MYLK: variants seen among roughly 807,000 people sequenced by gnomAD.
MYLK encodes the protein myosin light chain kinase, smooth muscle.
Under a neutral mutation model 203.4 loss-of-function variants are expected in MYLK, and 106 were observed. That is an observed-to-expected ratio of 0.52 (90% CI 0.45 to 0.61). The LOEUF is 0.61. Ranked by LOEUF, MYLK falls within the 20% of genes least tolerant of loss-of-function variation. MYLK has a pLI of 0.00. For missense variants in MYLK, 2,072 were observed against 2,442.3 expected (o/e 0.85, Z 3.20); for synonymous variants, 867 against 959.5 (o/e 0.90, Z 1.78).
At chr3:123,741,019 T>C (rs147817966) in intron 5 of MYLK, among the ~76,000 whole-genome samples, 141 of 152,326 alleles carry the variant, frequency 9.3e-4, no homozygotes, top group African/African-American at 3.3e-3. Context: ...GAGGTCTTTT[T>C]TGAGATGATG....
At chr3:123,677,906 T>TAG in intron 20 of MYLK, among the ~76,000 whole-genome samples, 1 of 95,136 alleles carries the variant, frequency 1.1e-5, no homozygotes, top group East Asian at 5.4e-4. Flanking sequence ...TATATATATA[T>TAG]ATATATATAT....
At chr3:123,793,910 C>T in intron 3 of MYLK, 66 bp from the exon 4 acceptor site, 6 of 1,586,684 alleles carry the variant, frequency 3.8e-6, no homozygotes, top group Non-Finnish European at 5.2e-6. Context: ...TCCCTTCAGG[C>T]ATCAGGTGTG....
At chr3:123,692,883 T>G (rs763360646) in intron 18 of MYLK, 32 bp from the exon 19 acceptor site, 9 of 1,583,606 alleles carry the variant, frequency 5.7e-6, no homozygotes, top group South Asian at 5.5e-5. Flanking sequence ...GTGAACCAGG[T>G]GTGGTCGTAG....
chr3:123,723,277 A>G (rs899076732), intron 12 of MYLK, among the ~76,000 whole-genome samples: 1 of 152,194 alleles, frequency 6.6e-6, no homozygotes, highest in African/African-American at 2.4e-5. Flanking sequence ...GCACATAGCA[A>G]CACTTCATGT....
chr3:123,631,051 C>A (rs1398130663), intron 29 of MYLK, among the ~76,000 whole-genome samples: 3 of 152,158 alleles, frequency 2.0e-5, no homozygotes, highest in Non-Finnish European at 4.4e-5. Flanking sequence ...CCCCACCTTT[C>A]ATGTTGCAAA....
chr3:123,639,566 T>C (rs1441412043), intron 28 of MYLK, among the ~76,000 whole-genome samples: 3 of 152,196 alleles, frequency 2.0e-5, no homozygotes, highest in Admixed American at 6.5e-5. Flanking sequence ...GCAGGCTGGA[T>C]GCAGGCAGAA....
chr3:123,836,720 G>A (rs1482286317), intron 2 of MYLK, among the ~76,000 whole-genome samples: 3 of 152,114 alleles, frequency 2.0e-5, no homozygotes, highest in Non-Finnish European at 4.4e-5. Context: ...AGGTAATATG[G>A]AAACTCTCAG....
At chr3:123,672,767 T>C (rs1330674029) in intron 20 of MYLK, among the ~76,000 whole-genome samples, 1 of 152,260 alleles carries the variant, frequency 6.6e-6, no homozygotes, top group African/African-American at 2.4e-5. Context: ...TTCCTATCAG[T>C]AAAAACAATT....
chr3:123,717,603 G>GA (rs11388989), intron 13 of MYLK, among the ~76,000 whole-genome samples: 149,435 of 152,108 alleles, frequency 0.98, 73,454 homozygotes, highest in Middle Eastern at 1. Flanking sequence ...ACTCCAGGGG[G>GA]AAAAAATTTT....
chr3:123,724,691 T>C (rs1471788088), intron 12 of MYLK, among the ~76,000 whole-genome samples: 2 of 152,142 alleles, frequency 1.3e-5, no homozygotes, highest in Non-Finnish European at 2.9e-5. Context: ...AAATGGGGAC[T>C]ATTTGGTGCA....
rs369756740 is a variant in MYLK at position 123,640,533 on chromosome 3, G to C, written c.4620-29C>G. The C allele has an allele frequency of 4.3e-6, 7 of 1,612,188 alleles. No homozygotes were observed. In the African/African-American group the frequency reaches 8.0e-5, roughly 18 times the overall value. Reference sequence around the variant, plus strand: ...CGGGAACACGTGCACGGGGTGGTCAGGCCACAGGCTCATGGAGGCCAGGCT... The same window carrying C: ...CGGGAACACGTGCACGGGGTGGTCACGCCACAGGCTCATGGAGGCCAGGCT... On this transcript the variant is annotated intron_variant, in intron 27 of 33. Transcript: ENST00000360304. The surrounding 1 kb of genome is among the most constrained non-coding windows in gnomAD (Gnocchi z 4.3).
In MYLK at chr3:123,629,442, G is replaced by C; in HGVS notation, c.5114+32C>G. On this transcript the variant is annotated intron_variant, in intron 30 of 33. Transcript: ENST00000360304. The surrounding 1 kb of genome is among the most constrained non-coding windows in gnomAD (Gnocchi z 4.4). ...GCTTCCCAACACAGGGCAGGGAGTA[G>C]GGAAGCAAAGACTGAAATCCCAACT... 6.2e-7 allele frequency: 1 copy of C among 1,613,684 alleles called. No homozygotes were observed. Among genetic ancestry groups the C allele is most frequent in the Non-Finnish European group, 8.5e-7 (1 of 1,179,752 alleles).
At chr3:123,822,444 T>C (rs1027451933) in intron 3 of MYLK, among the ~76,000 whole-genome samples, 3 of 152,166 alleles carry the variant, frequency 2.0e-5, no homozygotes, top group African/African-American at 7.2e-5. Context: ...GAACCTGAAC[T>C]GGTAGTTCTG....
chr3:123,638,933 C>T (rs1483479410), intron 28 of MYLK: 7 of 985,312 alleles, frequency 7.1e-6, no homozygotes, highest in Non-Finnish European at 8.4e-6. Context: ...GAGCTCACAG[C>T]AAATGTTCTA....
intron 5 of MYLK, among the ~76,000 whole-genome samples, chr3:123,749,041 C>T (rs2063109626): frequency 6.6e-6 from 1 of 151,860 alleles, no homozygotes; most frequent in South Asian, 2.1e-4. Flanking sequence ...AGCACTCCAG[C>T]CTGGGTGACA....
chr3:123,786,053 A>G (rs1441652165), intron 4 of MYLK, among the ~76,000 whole-genome samples: 1 of 152,176 alleles, frequency 6.6e-6, no homozygotes, highest in Non-Finnish European at 1.5e-5. Flanking sequence ...CTGTAATCCC[A>G]GCACTTTGGG....
chr3:123,787,383 A>G (rs2064573787), intron 4 of MYLK, among the ~76,000 whole-genome samples: 1 of 152,164 alleles, frequency 6.6e-6, no homozygotes, highest in South Asian at 2.1e-4. Context: ...CTGATGGGGT[A>G]ACAGAGACAC....
intron 2 of MYLK, among the ~76,000 whole-genome samples, chr3:123,857,831 AAT>A (rs533833956): frequency 9.3e-4 from 141 of 152,164 alleles, no homozygotes; most frequent in African/African-American, 3.4e-3. Flanking sequence ...AGAAAAAAAA[AAT>A]TGTGTGTCAT....
rs1247424673 is a variant in MYLK, at chr3:123,642,390, G to GCCACCACA, written c.4620-1887_4620-1886insTGTGGTGG. ...ACTTATCGTTTGATAAGCTGTGGTG[G>GCCACCACA]GCTAGGTGGATCTTGTCACTGACCC... On this transcript the variant is annotated intron_variant, in intron 27 of 33. Transcript: ENST00000360304. The surrounding 1 kb of genome is among the most constrained non-coding windows in gnomAD (Gnocchi z 4.2). 5.3e-5 allele frequency among the ~76,000 whole-genome samples: 8 copies of GCCACCACA among 152,274 alleles called. No homozygotes were observed. The South Asian group carries it at 8.3e-4, about 16-fold the overall frequency.
Sources: allele counts gnomAD v4.1 joint callset (sites outside exome capture counted in the v4.1 genomes callset), GRCh38; gene constraint gnomAD v4.1.1; non-coding constraint Gnocchi (gnomAD v3.1); transcripts MANE v1.5; gene names NCBI Gene and HGNC (gene_info 2026-07-23, HGNC 2026-07-21).